The following SIRPG variants were observed in gnomAD, a reference collection of about 807,000 sequenced individuals.
SIRPG encodes the protein signal regulatory protein gamma.
Under a neutral mutation model 35.7 loss-of-function variants are expected in SIRPG, and 38 were observed. The observed-to-expected ratio is 1.06, with a 90% CI of 0.82 to 1.40. The LOEUF is 1.40. Among genes scored for constraint, SIRPG ranks in the 40% most tolerant of loss-of-function variants. The probability of loss-of-function intolerance (pLI) is 0.00; values close to 1 mark genes in which losing one functional copy is unlikely to be tolerated. For missense variants in SIRPG, 519 were observed against 483.0 expected (o/e 1.07, Z -0.70); for synonymous variants, 215 against 190.4 (o/e 1.13, Z -1.06).
Position 1,634,161 on chromosome 20 carries a change from A to AAGAG in SIRPG, c.1081+1102_1081+1105dup, listed in dbSNP as rs2091772239. Among the ~76,000 whole-genome samples the AAGAG allele has an allele frequency of 2.0e-5, 3 of 151,962 alleles. No homozygotes were observed. The South Asian group carries it at 6.2e-4, about 32-fold the overall frequency. On this transcript the variant is annotated intron_variant, in intron 4 of 5. Transcript: ENST00000303415. ...CTCAAATATCACAATCAGGACACAG[A>AAGAG]AGAGGTCCGTTCTGTGACCATTCAT...
At chr20:1,673,159 G>T in the SIRPG span, among the ~76,000 whole-genome samples, 2 of 152,130 alleles carry the variant, frequency 1.3e-5, no homozygotes, top group Non-Finnish European at 2.9e-5. Flanking sequence ...CATTTTGAGG[G>T]CACAGTAAAG....
chr20:1,642,687 T>C (rs2091862700), intron 2 of SIRPG, among the ~76,000 whole-genome samples: 1 of 152,246 alleles, frequency 6.6e-6, no homozygotes, highest in South Asian at 2.1e-4. Context: ...TATTTTGGTA[T>C]GTTTTTGCAG....
intron 2 of SIRPG, among the ~76,000 whole-genome samples, chr20:1,638,202 C>T (rs959399724): frequency 1.3e-5 from 2 of 152,138 alleles, no homozygotes; most frequent in African/African-American, 4.8e-5. Context: ...AGGGGGTCCT[C>T]GTGTGAGTCC....
chr20:1,634,014 A>T (rs1473999171), intron 4 of SIRPG, among the ~76,000 whole-genome samples: 1 of 152,214 alleles, frequency 6.6e-6, no homozygotes, highest in Non-Finnish European at 1.5e-5. Flanking sequence ...TGACTTCCCA[A>T]GTCCTAGTTT....
At chr20:1,681,939 G>A in the SIRPG span, among the ~76,000 whole-genome samples, 1 of 141,160 alleles carries the variant, frequency 7.1e-6, no homozygotes, top group East Asian at 3.0e-4. Flanking sequence ...GTATGACTAT[G>A]GATATGGATA....
At chr20:1,665,745 A>T in the SIRPG span, among the ~76,000 whole-genome samples, 95,571 of 151,990 alleles carry the variant, frequency 0.63, 30,556 homozygotes, top group East Asian at 0.86. Context: ...TCCCTTATTG[A>T]AGGTTAGGTT....
At chr20:1,644,987 A>G (rs2091886565) in intron 2 of SIRPG, among the ~76,000 whole-genome samples, 1 of 152,182 alleles carries the variant, frequency 6.6e-6, no homozygotes, top group East Asian at 1.9e-4. Flanking sequence ...CTAGTCAGCC[A>G]TCTTGGCCCT....
the SIRPG span, among the ~76,000 whole-genome samples, chr20:1,683,534 T>C: frequency 3.3e-5 from 5 of 152,306 alleles, no homozygotes. Context: ...AAATGTGGTA[T>C]ATATACACAA....
At chr20:1,663,467 T>C in the SIRPG span, among the ~76,000 whole-genome samples, 7 of 152,354 alleles carry the variant, frequency 4.6e-5, no homozygotes, top group East Asian at 7.7e-4. Context: ...AGTGGTGTAC[T>C]GGAGCAGGCT....
At chr20:1,646,661 G>A (rs74272330) in intron 2 of SIRPG, 3 of 125,796 alleles carry the variant, frequency 2.4e-5, no homozygotes, top group Non-Finnish European at 5.2e-5. Context: ...GTTTTGTTTT[G>A]TTTTTGATGG....
chr20:1,666,672 C>T, the SIRPG span: 1 of 152,076 alleles, frequency 6.6e-6, no homozygotes, highest in Non-Finnish European at 1.5e-5. Context: ...AATGTATATA[C>T]ATTTAGCATG....
At chr20:1,645,539 C>T (rs181926857) in intron 2 of SIRPG, among the ~76,000 whole-genome samples, 9 of 152,330 alleles carry the variant, frequency 5.9e-5, no homozygotes, top group East Asian at 1.9e-4. Flanking sequence ...GTCATGGCTT[C>T]GGCATCACAT....
At chr20:1,667,863 A>C in the SIRPG span, among the ~76,000 whole-genome samples, 1 of 152,222 alleles carries the variant, frequency 6.6e-6, no homozygotes, top group African/African-American at 2.4e-5. Context: ...CCTACTATAG[A>C]TAGCTTTGCT....
At chr20:1,650,004 G>GTGTATATATA (rs774462534) in intron 1 of SIRPG, among the ~76,000 whole-genome samples, 1 of 98,816 alleles carries the variant, frequency 1.0e-5, no homozygotes, top group African/African-American at 3.9e-5. Flanking sequence ...TTTGAAGTGT[G>GTGTATATATA]TATATATATA....
chr20:1,661,827 G>C (rs1246760134), upstream of SIRPG, among the ~76,000 whole-genome samples: 1 of 152,162 alleles, frequency 6.6e-6, no homozygotes, highest in East Asian at 1.9e-4. Flanking sequence ...GTACTGGAGA[G>C]AGGTCCACTG....
intron 2 of SIRPG, among the ~76,000 whole-genome samples, chr20:1,644,725 A>G (rs935430787): frequency 2.6e-5 from 4 of 152,168 alleles, no homozygotes; most frequent in South Asian, 2.1e-4. Context: ...TGAGGGTTGC[A>G]CAGTTCTGTG....
upstream of SIRPG, among the ~76,000 whole-genome samples, chr20:1,660,986 T>C: frequency 6.6e-6 from 1 of 152,204 alleles, no homozygotes; most frequent in East Asian, 1.9e-4. Flanking sequence ...AGAATAATCA[T>C]ACCATCTTCA....
the SIRPG span, chr20:1,671,205 A>G: frequency 2.8e-4 from 72 of 260,464 alleles, no homozygotes; most frequent in Non-Finnish European, 4.7e-4. Context: ...TGGCTACAAA[A>G]GGAGCATCGA....
chr20:1,685,051 G>A, the SIRPG span, among the ~76,000 whole-genome samples: 1 of 152,188 alleles, frequency 6.6e-6, no homozygotes, highest in Admixed American at 6.5e-5. Context: ...TGGGGAGCAG[G>A]GAGGCTGCTG....
Sources: allele counts gnomAD v4.1 joint callset (sites outside exome capture counted in the v4.1 genomes callset), GRCh38; gene constraint gnomAD v4.1.1; transcripts MANE v1.5; gene names NCBI Gene and HGNC (gene_info 2026-07-23, HGNC 2026-07-21).